The following SSX5 variants were observed in gnomAD, a reference collection of about 807,000 sequenced individuals.
The protein encoded by SSX5 is protein SSX5.
SSX5 carries 14 observed loss-of-function variants against 14.9 expected under a neutral mutation model. That is an observed-to-expected ratio of 0.94 (90% confidence interval 0.62 to 1.47). The LOEUF is 1.47. Ranked by LOEUF, SSX5 falls within the 40% of genes most tolerant of loss-of-function variation. SSX5 has a pLI of 0.00. For synonymous variants in SSX5, 70 were observed against 55.4 expected, an observed-to-expected ratio of 1.26 and a Z score of -1.17; for missense variants, 204 against 154.6, an observed-to-expected ratio of 1.32 and a Z score of -1.70.
intron 4 of SSX5, among the ~76,000 whole-genome samples, chrX:48,193,130 G>A (rs2059426450): frequency 9.0e-6 from 1 of 111,632 alleles, no homozygotes; most frequent in Admixed American, 9.6e-5. Flanking sequence ...TAAAATACAG[G>A]GAAACAGCAG....
chrX:48,196,097 G>GA (rs781859285), intron 1 of SSX5, among the ~76,000 whole-genome samples: 1 of 109,291 alleles, frequency 9.1e-6, no homozygotes, highest in Non-Finnish European at 1.9e-5. Context: ...ACCAGGCTGG[G>GA]AAAAATAGCA....
At chrX:48,195,832 G>A (rs1167871571) in intron 1 of SSX5, among the ~76,000 whole-genome samples, 1 of 111,413 alleles carries the variant, frequency 9.0e-6, no homozygotes, top group East Asian at 2.8e-4. Context: ...TCAGGCAGAG[G>A]GATGGGGGTT....
chrX:48,186,556 C>G lies in SSX5; in HGVS notation c.*305G>C, dbSNP rs73495262. The G allele has an allele frequency of 0.01, 4,420 of 431,571 alleles. 175 individuals carry two copies. The highest frequency in any genetic ancestry group is 0.1 in the African/African-American group (4,034 of 40,258). 35.6% of individuals were successfully genotyped at this position (431,571 alleles called of 1,213,427 possible). On this transcript the variant is annotated 3_prime_UTR_variant, in exon 8 of 8. Transcript: ENST00000347757. ...GTTGTTCTATGCAGAGAATACCTGA[C>G]GATACTTGTTTTCTGAGGTAGGTGC...
chrX:48,186,390 GTGTGTGTGTGTGTGCGCGCGCGCGCGCA>G lies in SSX5; in HGVS notation c.*443_*470del. The G allele has an allele frequency of 2.5e-5, 6 of 237,698 alleles. No individual in the cohort carries two copies. Among genetic ancestry groups the G allele is most frequent in the Non-Finnish European group, 7.6e-6 (1 of 131,983 alleles). 19.6% of individuals were successfully genotyped at this position (237,698 alleles called of 1,213,427 possible). On this transcript the variant is annotated 3_prime_UTR_variant, in exon 8 of 8. Coordinates refer to ENST00000347757, the MANE Select transcript of SSX5 (RefSeq NM_175723.2). ...GGTGTGTGTGTGTGTGTGTGTGTGT[GTGTGTGTGTGTGTGCGCGCGCGCGCGCA>G]TGTGTGTCTGTGTGGCATGTGTGTG...
Position 48,186,534 on chromosome X carries a change from G to A in SSX5, c.*327C>T. ...TCTGGGAAGAGAGGAGGGTAGTGTTGTTCTATGCAGAGAATACCTGACGAT... is the reference window on the plus strand; with the variant it reads ...TCTGGGAAGAGAGGAGGGTAGTGTTATTCTATGCAGAGAATACCTGACGAT... On this transcript the variant is annotated 3_prime_UTR_variant, in exon 8 of 8. Coordinates refer to ENST00000347757, the MANE Select transcript of SSX5 (RefSeq NM_175723.2). 2.4e-6 allele frequency: 1 copy of A among 411,813 alleles called. No individual in the cohort carries two copies. The highest frequency in any genetic ancestry group is 4.1e-5 in the East Asian group (1 of 24,151). The allele number at this position is 411,813 out of a possible 1,213,427, so 33.9% of individuals were successfully genotyped here. A position where few individuals can be genotyped will look rare whatever the true frequency, so the allele number is the denominator to read the frequency against.
At chrX:48,188,053 C>T (rs1209702733) in intron 6 of SSX5, among the ~76,000 whole-genome samples, 1 of 112,065 alleles carries the variant, frequency 8.9e-6, no homozygotes, top group Admixed American at 9.5e-5. Context: ...TAAGGCCACA[C>T]AGGCGTACCT....
chrX:48,189,370 G>A (rs1430608792), intron 6 of SSX5, among the ~76,000 whole-genome samples: 2 of 96,118 alleles, frequency 2.1e-5, no homozygotes, highest in Admixed American at 2.5e-4. Flanking sequence ...ATTCATGAAC[G>A]GAAGAGCTAA....
intron 4 of SSX5, 153 bp from the exon 5 acceptor site, chrX:48,192,434 C>A: frequency 1.1e-6 from 1 of 888,202 alleles, no homozygotes; most frequent in Non-Finnish European, 1.6e-6. Flanking sequence ...TATGTTTAGT[C>A]ATGGTTGGTG....
chrX:48,187,083 A>C (rs2059400832), intron 7 of SSX5, among the ~76,000 whole-genome samples: 2 of 111,472 alleles, frequency 1.8e-5, no homozygotes, highest in Non-Finnish European at 3.8e-5. Context: ...TGGCCCGCAT[A>C]TCAGTGCTGA....
At chrX:48,193,993 T>C in intron 4 of SSX5, 136 bp downstream of exon 4, 1 of 709,196 alleles carries the variant, frequency 1.4e-6, no homozygotes. Context: ...GTTAACTTTC[T>C]GCATGCAATT....
rs782423819 is a variant in SSX5, at chrX:48,192,275, T to C, written c.287A>G (p.His96Arg). The C allele has an allele frequency of 6.6e-6, 8 of 1,210,026 alleles. No homozygotes were observed. The highest frequency in any genetic ancestry group is 3.5e-5 in the African/African-American group (2 of 57,309). ...NDPNRGNQVEHPQMTFGRLQG... is the reference protein window; with the variant it reads ...NDPNRGNQVERPQMTFGRLQG... Reference sequence around the variant, plus strand: ...GAGCCTGCCGAAAGTCATCTGAGGATGTTCAACTGAAAGAGAATACATCAG... The same window carrying C: ...GAGCCTGCCGAAAGTCATCTGAGGACGTTCAACTGAAAGAGAATACATCAG... The change falls in exon 5 of 8, where the codon CAT becomes CGT. Residue 96 changes from histidine (H) to arginine (R), a missense_variant. Transcript: ENST00000347757.
chrX:48,186,951 C>T, intron 7 of SSX5, 95 bp from the exon 8 acceptor site: 1 of 1,068,653 alleles, frequency 9.4e-7, no homozygotes, highest in Non-Finnish European at 1.3e-6. Context: ...ACCCTGCCCA[C>T]TCCGATTCTG....
intron 1 of SSX5, among the ~76,000 whole-genome samples, chrX:48,195,756 A>C (rs1896738820): frequency 9.0e-6 from 1 of 110,866 alleles, no homozygotes; most frequent in Non-Finnish European, 1.9e-5. Context: ...TGACACCCTC[A>C]CTCAATGAAT....
chrX:48,195,901 G>T (rs782127360), intron 1 of SSX5, among the ~76,000 whole-genome samples: 2 of 111,280 alleles, frequency 1.8e-5, no homozygotes, highest in African/African-American at 6.5e-5. Context: ...AGCTATTACT[G>T]GGTGATTTGT....
rs1166602054 is a variant in SSX5 at position 48,186,397 on chromosome X, T to TGC, written c.*463_*464insGC. 5.9e-5 allele frequency: 14 copies of TGC among 236,807 alleles called. No homozygotes were observed. Among genetic ancestry groups the TGC allele is most frequent in the Admixed American group, 6.8e-5 (1 of 14,656 alleles). The allele number at this position is 236,807 out of a possible 1,213,427, so 19.5% of individuals were successfully genotyped here. A position where few individuals can be genotyped will look rare whatever the true frequency, so the allele number is the denominator to read the frequency against. On this transcript the variant is annotated 3_prime_UTR_variant, in exon 8 of 8. Coordinates refer to ENST00000347757, the MANE Select transcript of SSX5 (RefSeq NM_175723.2). ...GTGTGTGTGTGTGTGTGTGTGTGTG[T>TGC]GTGTGTGCGCGCGCGCGCGCATGTG...
intron 7 of SSX5, 73 bp downstream of exon 7, chrX:48,187,554 A>C: frequency 9.1e-7 from 1 of 1,098,522 alleles, no homozygotes; most frequent in Non-Finnish European, 1.3e-6. Context: ...ACAACTGATA[A>C]GATGGGATAC....
chrX:48,192,024 T>C (rs782097272), intron 5 of SSX5, among the ~76,000 whole-genome samples: 2 of 112,406 alleles, frequency 1.8e-5, no homozygotes, highest in South Asian at 7.4e-4. Flanking sequence ...CTGCTTAAAA[T>C]AGTATTTGGC....
chrX:48,186,878 A>T, intron 7 of SSX5, 22 bp from the exon 8 acceptor site: 1 of 1,197,873 alleles, frequency 8.3e-7, no homozygotes, highest in Middle Eastern at 3.2e-4. Context: ...AGCGAGAAGG[A>T]AAGTAAGTGG....
chrX:48,196,277 A>G (rs1276530189), intron 1 of SSX5, among the ~76,000 whole-genome samples: 2 of 110,753 alleles, frequency 1.8e-5, no homozygotes, highest in Non-Finnish European at 3.8e-5. Context: ...AAACAAAATA[A>G]AAACACCTTA....
Sources: gnomAD v4.1 joint callset for allele counts (sites outside exome capture counted in the v4.1 genomes callset) on GRCh38, gnomAD v4.1.1 for gene constraint, MANE v1.5 for transcripts, NCBI Gene and HGNC (gene_info 2026-07-23, HGNC 2026-07-21) for gene names.